SPEF2: variants seen among roughly 807,000 people sequenced by gnomAD.
SPEF2 encodes the protein sperm flagellar and cilia associated 2.
Under a neutral mutation model 224.6 loss-of-function variants are expected in SPEF2, and 187 were observed. The observed-to-expected ratio is 0.83, with a 90% CI of 0.74 to 0.94. The LOEUF (loss-of-function observed/expected upper bound fraction) is 0.94, where lower values mean the gene tolerates loss of function less well. SPEF2 is among the 40% of genes least tolerant of loss of function. The pLI, the probability that SPEF2 is intolerant of heterozygous loss-of-function variation, is 0.00. For missense variants in SPEF2, 2,170 were observed against 2,135.6 expected (o/e 1.02, Z -0.32); for synonymous variants, 715 against 707.3 (o/e 1.01, Z -0.17).
rs1480999981 is a variant in SPEF2, at chr5:35,700,411, G to A, written c.2142-85G>A. On this transcript the variant is annotated intron_variant, in intron 15 of 36. Transcript: ENST00000356031. ...TGCAGTAGGAAGTTATTGTGGAATT[G>A]AAAGAAAAAGGAAAGATTCATCATA... The A allele has an allele frequency of 1.6e-5, 20 of 1,264,686 alleles. No homozygotes were observed. The Admixed American group carries it at 4.4e-4, about 28-fold the overall frequency. 78.3% of individuals were successfully genotyped at this position (1,264,686 alleles called of 1,614,324 possible).
At chr5:35,712,003 G>T (rs1287500731) in intron 19 of SPEF2, among the ~76,000 whole-genome samples, 1 of 151,938 alleles carries the variant, frequency 6.6e-6, no homozygotes, top group African/African-American at 2.4e-5. Context: ...ATTAATTGGG[G>T]CATCTCCAGA....
chr5:35,636,571 T>C (rs1000539970), intron 2 of SPEF2, among the ~76,000 whole-genome samples: 4 of 152,200 alleles, frequency 2.6e-5, no homozygotes, highest in African/African-American at 9.6e-5. Flanking sequence ...ATGATTGTTT[T>C]TTCCTAACAC....
chr5:35,795,510 A>C (rs1473322821), intron 32 of SPEF2, among the ~76,000 whole-genome samples, 193 bp from the exon 33 acceptor site: 4 of 152,198 alleles, frequency 2.6e-5, no homozygotes, highest in Non-Finnish European at 5.9e-5. Context: ...TAAAAATAAA[A>C]ATTATGTAAG....
chr5:35,661,620 C>T (rs549967991), intron 8 of SPEF2, among the ~76,000 whole-genome samples: 20 of 151,928 alleles, frequency 1.3e-4, no homozygotes, highest in African/African-American at 4.6e-4. Flanking sequence ...TGTTCCCCTC[C>T]GTGTGTCCAT....
At chr5:35,665,692 G>A (rs1169475850) in intron 8 of SPEF2, among the ~76,000 whole-genome samples, 1 of 151,666 alleles carries the variant, frequency 6.6e-6, no homozygotes, top group Non-Finnish European at 1.5e-5. Flanking sequence ...TGCTCTCTTA[G>A]ATTCATTTTT....
chr5:35,693,455 G>T (rs1030270480), intron 12 of SPEF2, among the ~76,000 whole-genome samples: 1 of 152,126 alleles, frequency 6.6e-6, no homozygotes, highest in African/African-American at 2.4e-5. Context: ...TCTCTGAAAG[G>T]TTTACCTGTA....
intron 20 of SPEF2, 146 bp downstream of exon 20, chr5:35,713,032 T>A: frequency 2.7e-6 from 2 of 746,320 alleles, no homozygotes; most frequent in Non-Finnish European, 4.2e-6. Context: ...AAGAATATAG[T>A]CGCAAACTTT....
intron 31 of SPEF2, 23 bp downstream of exon 31, chr5:35,792,469 T>C (rs1756100560): frequency 6.3e-7 from 1 of 1,594,204 alleles, no homozygotes; most frequent in Non-Finnish European, 8.6e-7. Flanking sequence ...GTTGTTTGAG[T>C]TGTAAAGCTT....
chr5:35,739,880 A>C (rs778795328), intron 21 of SPEF2, 39 bp from the exon 22 acceptor site: 2 of 1,605,298 alleles, frequency 1.2e-6, no homozygotes, highest in East Asian at 4.5e-5. Flanking sequence ...AAGAACTTTC[A>C]TTTTGAAGTA....
intron 23 of SPEF2, among the ~76,000 whole-genome samples, chr5:35,750,992 T>C (rs1393831979): frequency 1.9e-5 from 2 of 106,084 alleles, no homozygotes; most frequent in East Asian, 2.7e-4. Flanking sequence ...GCTATATATA[T>C]ATATGTATAT....
intron 2 of SPEF2, among the ~76,000 whole-genome samples, chr5:35,629,019 C>T (rs892091121): frequency 6.6e-6 from 1 of 152,066 alleles, no homozygotes; most frequent in Non-Finnish European, 1.5e-5. Flanking sequence ...GAAATTGTTC[C>T]TTTCTTGCAC....
intron 2 of SPEF2, among the ~76,000 whole-genome samples, chr5:35,638,397 A>G (rs1746128701): frequency 6.6e-6 from 1 of 151,936 alleles, no homozygotes. Flanking sequence ...CACATTTCCC[A>G]TCAACGGAGA....
At chr5:35,622,600 G>C (rs1743680917) in intron 1 of SPEF2, among the ~76,000 whole-genome samples, 2 of 152,160 alleles carry the variant, frequency 1.3e-5, no homozygotes, top group Non-Finnish European at 2.9e-5. Context: ...TTTAGTTCTA[G>C]TCTTCTTTAA....
rs1173957322 is a variant in SPEF2 at position 35,793,194 on chromosome 5, C to T, written c.4590C>T (p.Ser1530=). 11 of 1,613,938 alleles carry T rather than the reference C, an allele frequency of 6.8e-6. No individual in the cohort carries two copies. The highest frequency in any genetic ancestry group is 4.0e-5 in the African/African-American group (3 of 74,908). The change falls in exon 32 of 37, where the codon TCC becomes TCT. Residue 1530 remains serine, a synonymous_variant. Transcript: ENST00000356031. ...QELTSLLTVN[S]EFVDWRKFLL... is the part of the protein sequence containing the mutation. ...TAACATCTTTATTAACAGTCAACTCCGAGTTCGTGGACTGGCGGAAGTTCC... is the reference window on the plus strand; with the variant it reads ...TAACATCTTTATTAACAGTCAACTCTGAGTTCGTGGACTGGCGGAAGTTCC...
Position 35,773,986 on chromosome 5 carries a change from T to C in SPEF2, c.4043T>C (p.Ile1348Thr), listed in dbSNP as rs1025665602. Residue 1348 changes from isoleucine to threonine, a missense_variant, in exon 28 of 37, where the codon ATA becomes ACA. Physicochemically the swap from Ile to Thr is moderately conservative, Grantham distance 89. Coordinates refer to ENST00000356031, the MANE Select transcript of SPEF2 (RefSeq NM_024867.4). ...IKRKNELRVK[I>T]KEEHLAALQF... is the part of the protein sequence containing the mutation. ...AGGAAAAATGAACTGAGGGTCAAAATAAAAGAAGAACACCTTGCTGCCTTG... is the reference window on the plus strand; with the variant it reads ...AGGAAAAATGAACTGAGGGTCAAAACAAAAGAAGAACACCTTGCTGCCTTG... 1.4e-5 allele frequency: 23 copies of C among 1,612,860 alleles called. No individual in the cohort carries two copies. The highest frequency in any genetic ancestry group is 1.6e-5 in the Non-Finnish European group (19 of 1,179,434).
intron 2 of SPEF2, among the ~76,000 whole-genome samples, chr5:35,639,985 T>C (rs1486366418): frequency 1.3e-5 from 2 of 152,176 alleles, no homozygotes; most frequent in Non-Finnish European, 2.9e-5. Flanking sequence ...CCAAATTTGA[T>C]TGATTAGAAA....
At chr5:35,787,632 T>A (rs1337265010) in intron 30 of SPEF2, among the ~76,000 whole-genome samples, 1 of 152,200 alleles carries the variant, frequency 6.6e-6, no homozygotes, top group African/African-American at 2.4e-5. Flanking sequence ...TTCTTATCCA[T>A]GCAACGGTGA....
At chr5:35,745,565 T>A (rs543534474) in intron 23 of SPEF2, among the ~76,000 whole-genome samples, 138,532 of 151,868 alleles carry the variant, frequency 0.91, 63,346 homozygotes, top group South Asian at 0.99. Flanking sequence ...CTTCCCTGCC[T>A]CAGCACCTAC....
intron 36 of SPEF2, among the ~76,000 whole-genome samples, chr5:35,811,602 T>C (rs1758533684): frequency 6.7e-6 from 1 of 149,464 alleles, no homozygotes. Context: ...CCAATGATCA[T>C]AGTCACCTCA....
Sources: gnomAD v4.1 joint callset for allele counts (sites outside exome capture counted in the v4.1 genomes callset) on GRCh38, gnomAD v4.1.1 for gene constraint, MANE v1.5 for transcripts, NCBI Gene and HGNC (gene_info 2026-07-23, HGNC 2026-07-21) for gene names.